SPAG7: variants seen among roughly 807,000 people sequenced by gnomAD.
SPAG7 encodes the protein sperm associated antigen 7, also known as sperm-associated antigen 7.
Under a neutral mutation model 30.6 loss-of-function variants are expected in SPAG7, and 20 were observed. That is an observed-to-expected ratio of 0.65 (90% confidence interval 0.46 to 0.95). The LOEUF (loss-of-function observed/expected upper bound fraction) is 0.95. SPAG7 is among the 40% of genes least tolerant of loss of function. The pLI is 0.00. For synonymous variants in SPAG7, 127 were observed against 104.2 expected (o/e 1.22, Z -1.33); for missense variants, 276 against 291.1 (o/e 0.95, Z 0.38).
intron 1 of SPAG7, among the ~76,000 whole-genome samples, chr17:4,961,414 G>A (rs1225964463): frequency 4.7e-5 from 7 of 149,136 alleles, no homozygotes; most frequent in South Asian, 2.1e-4. Context: ...CTGAGATCGC[G>A]CCATTGCACT....
intron 1 of SPAG7, chr17:4,967,108 C>T: frequency 3.0e-6 from 3 of 985,684 alleles, no homozygotes; most frequent in Non-Finnish European, 3.6e-6. Context: ...GTATTCTCAT[C>T]CCTCCAATCA....
Position 4,959,935 on chromosome 17 carries a change from G to C in SPAG7, c.418-19C>G, listed in dbSNP as rs577157595. ...CCAGCTCCTAGGGGTGAAAGTGGGG[G>C]CACTGGTGCTCAGGGCCCCAGCCCA... On this transcript the variant is annotated intron_variant, in intron 5 of 6. Transcript: ENST00000206020. The C allele has an allele frequency of 1.2e-5, 20 of 1,612,662 alleles. No individual in the cohort carries two copies. Among genetic ancestry groups the C allele is most frequent in the Admixed American group, 1.7e-5 (1 of 59,998 alleles).
In SPAG7 at chr17:4,959,778, T is replaced by C. The variant is rs1480986548; in HGVS notation, c.556A>G (p.Asn186Asp). The C allele has an allele frequency of 1.2e-6, 2 of 1,614,074 alleles. No homozygotes were observed. The highest frequency in any genetic ancestry group is 1.3e-5 in the African/African-American group (1 of 74,930). Residue 186 changes from asparagine (N) to aspartate (D), a missense_variant, in exon 6 of 7, where the codon AAT becomes GAT. Transcript: ENST00000206020. ...GCCTCACCACAGCCGTAGGTCTTAT[T>C]GGCCTGTAGCATGTGGGCTGCGTCT... ...AKDAAHMLQA[N>D]KTYGCVPVAN...
At chr17:4,966,694 G>T (rs1433922499) in intron 1 of SPAG7, 1 of 985,428 alleles carries the variant, frequency 1.0e-6, no homozygotes, top group Non-Finnish European at 1.2e-6. Flanking sequence ...TATCAAGTTG[G>T]TTATTAAACT....
Position 4,960,503 on chromosome 17 carries a change from G to C in SPAG7, c.198C>G (p.Ile66Met), listed in dbSNP as rs1472656973. 1.2e-6 allele frequency: 2 copies of C among 1,602,582 alleles called. No homozygotes were observed. Among genetic ancestry groups the C allele is most frequent in the Non-Finnish European group, 1.7e-6 (2 of 1,176,802 alleles). Residue 66 changes from isoleucine to methionine, a missense_variant, in exon 3 of 7, where the codon ATC becomes ATG. Ile to Met is a conservative substitution (Grantham distance 10, BLOSUM62 1). Transcript: ENST00000206020. ...TGTTCATTGGCTGAAACTTTTTCTT[G>C]ATCTGCCCACTGTCTTGAATGAAAT... ...VSDFIQDSGQ[I>M]KKKFQPMNKI...
Position 4,960,813 on chromosome 17 carries a change from T to C in SPAG7, c.126A>G (p.Lys42=). Residue 42 remains lysine, a synonymous_variant, in exon 2 of 7, where the codon AAA becomes AAG. Transcript: ENST00000206020. The part of the protein sequence containing the change: ...ARLKKLQEQE[K]QQKVEFRKRM... Reference sequence around the variant, plus strand: ...TTTTACGAAACTCCACTTTCTGTTGTTTCTCTTGCTCTTGTAGTTTCTTCA... The same window carrying C: ...TTTTACGAAACTCCACTTTCTGTTGCTTCTCTTGCTCTTGTAGTTTCTTCA... 1.9e-6 allele frequency: 3 copies of C among 1,614,198 alleles called. No homozygotes were observed. The highest frequency in any genetic ancestry group is 2.5e-6 in the Non-Finnish European group (3 of 1,180,038).
intron 1 of SPAG7, 102 bp downstream of exon 1, chr17:4,967,618 G>A (rs910312325): frequency 1.1e-6 from 1 of 883,684 alleles, no homozygotes; most frequent in Non-Finnish European, 1.9e-6. Flanking sequence ...AGGGGCCTGT[G>A]AGGGGTCTTT....
chr17:4,959,814 C>T lies in SPAG7; in HGVS notation c.520G>A (p.Gly174Arg). The T allele has an allele frequency of 3.7e-6, 6 of 1,614,184 alleles. No homozygotes were observed. The highest frequency in any genetic ancestry group is 4.2e-6 in the Non-Finnish European group (5 of 1,180,026). ...ATGTGGGCTGCGTCTTTGGCTGCTCCCTTGCCGATGAGGTGGCTGTACTTG... is the reference window on the plus strand; with the variant it reads ...ATGTGGGCTGCGTCTTTGGCTGCTCTCTTGCCGATGAGGTGGCTGTACTTG... Reference protein sequence around the residue: ...KDKYSHLIGKGAAKDAAHMLQ... With the variant: ...KDKYSHLIGKRAAKDAAHMLQ... Residue 174 changes from glycine (G) to arginine (R), a missense_variant, in exon 6 of 7, where the codon GGA becomes AGA. By Grantham distance (125) the Gly-to-Arg change is moderately radical. Transcript: ENST00000206020.
intron 2 of SPAG7, 64 bp from the exon 3 acceptor site, chr17:4,960,611 G>A: frequency 6.9e-7 from 1 of 1,449,584 alleles, no homozygotes; most frequent in South Asian, 1.2e-5. Flanking sequence ...CCTCTCCCTA[G>A]CTGAGCCTGG....
intron 1 of SPAG7, among the ~76,000 whole-genome samples, chr17:4,965,558 G>A (rs758238183): frequency 4.1e-4 from 62 of 151,978 alleles, no homozygotes; most frequent in Middle Eastern, 3.4e-3. Context: ...AGCTCCTGGA[G>A]GGCAGGGACC....
In SPAG7 at chr17:4,959,642, C is replaced by A. The variant is rs1971825554; in HGVS notation, c.576G>T (p.Val192=). ...MLQANKTYGC[V]PVANKRDTRS... ...GTGTGTCCCTCTTATTGGCCACGGGCACTAGGGGCAGAGAGGAGGGTAGGG... is the reference window on the plus strand; with the variant it reads ...GTGTGTCCCTCTTATTGGCCACGGGAACTAGGGGCAGAGAGGAGGGTAGGG... Residue 192 remains valine, a splice_region_variant and synonymous_variant, in exon 7 of 7, where the codon GTG becomes GTT. Coordinates refer to ENST00000206020, the MANE Select transcript of SPAG7 (RefSeq NM_004890.3). 6.2e-7 allele frequency: 1 copy of A among 1,613,880 alleles called. No homozygotes were observed. The highest frequency in any genetic ancestry group is 1.3e-5 in the African/African-American group (1 of 74,926).
chr17:4,959,736 C>T (rs768531079), intron 6 of SPAG7, 24 bp downstream of exon 6: 9 of 1,614,088 alleles, frequency 5.6e-6, no homozygotes, highest in South Asian at 4.4e-5. Context: ...CTCCCAGCCA[C>T]CCCCAGCCGC....
Position 4,967,350 on chromosome 17 carries a change from A to G in SPAG7, c.85+370T>C, listed in dbSNP as rs1207826323. The stretch of plus-strand genomic sequence containing the variant: ...GCCAATAGAGATGAAGGCACAGTAG[A>G]TGGCGTGTCCTAAATCCAATCGAAA... On this transcript the variant is annotated intron_variant, in intron 1 of 6. Transcript: ENST00000206020. 1.7e-5 allele frequency: 7 copies of G among 420,926 alleles called. No individual in the cohort carries two copies. In the Admixed American group the frequency reaches 3.9e-4, roughly 23 times the overall value. 26.1% of individuals were successfully genotyped at this position (420,926 alleles called of 1,614,324 possible).
At position 4,960,120 on chromosome 17, in the gene SPAG7, G is replaced by A; in HGVS notation, c.328-9C>T. On this transcript the variant is annotated splice_polypyrimidine_tract_variant and intron_variant, in intron 4 of 6. Coordinates refer to ENST00000206020, the MANE Select transcript of SPAG7 (RefSeq NM_004890.3). ...TCTGAGGGTGCAAACTCCTGAAGAA[G>A]AGCAGAATGATGGGGTCAGAGTCCA... 6.2e-7 allele frequency: 1 copy of A among 1,610,512 alleles called. No individual in the cohort carries two copies.
At chr17:4,960,369 T>A in intron 3 of SPAG7, 51 bp from the exon 4 acceptor site, 1 of 1,602,830 alleles carries the variant, frequency 6.2e-7, no homozygotes, top group Non-Finnish European at 8.5e-7. Context: ...GGAGCGGGCC[T>A]AGTGCCCTCC....
rs1971996645 is a variant in SPAG7, at chr17:4,967,808, G to A, written c.-4C>T. 6.2e-7 allele frequency: 1 copy of A among 1,610,456 alleles called. No homozygotes were observed. The highest frequency in any genetic ancestry group is 1.7e-5 in the Admixed American group (1 of 59,948). ...TGGAGCCCAGTAGGTCCGCCATCTT[G>A]GGAGTGACTGAGAGGGGGCGGTGCG... On this transcript the variant is annotated 5_prime_UTR_variant, in exon 1 of 7. Transcript: ENST00000206020.
intron 5 of SPAG7, 46 bp downstream of exon 5, chr17:4,959,976 C>T (rs1336372827): frequency 5.6e-6 from 9 of 1,612,622 alleles, no homozygotes. Context: ...CCACCCCTCC[C>T]AGGTGGTGGG....
chr17:4,960,021 C>T lies in SPAG7; in HGVS notation c.417+1G>A. On this transcript the variant is annotated splice_donor_variant, in intron 5 of 6. Transcript: ENST00000206020. LOFTEE classifies it high-confidence loss of function. ...CCCAAGGGCTGCAAAGCATAGCTCA[C>T]CTTCAGCTTCCGCTTCTCCTCAGCC... The T allele has an allele frequency of 6.2e-7, 1 of 1,614,114 alleles. No homozygotes were observed. The highest frequency in any genetic ancestry group is 8.5e-7 in the Non-Finnish European group (1 of 1,180,000).
chr17:4,962,076 T>C (rs914305926), intron 1 of SPAG7, among the ~76,000 whole-genome samples: 1 of 152,144 alleles, frequency 6.6e-6, no homozygotes, highest in African/African-American at 2.4e-5. Flanking sequence ...TTAACCCCCT[T>C]TCCCAACTCC....
Sources: gnomAD v4.1 joint callset for allele counts (sites outside exome capture counted in the v4.1 genomes callset) on GRCh38, gnomAD v4.1.1 for gene constraint, MANE v1.5 for transcripts, NCBI Gene and HGNC (gene_info 2026-07-23, HGNC 2026-07-21) for gene names.